Variants in NAP1L4 observed in about 807,000 individuals in gnomAD.
The protein encoded by NAP1L4 is nucleosome assembly protein 1-like 4.
In NAP1L4, 15 loss-of-function variants were observed where a neutral mutation model predicts 58.2. The observed-to-expected ratio is 0.26, with a 90% CI of 0.17 to 0.40. The LOEUF (loss-of-function observed/expected upper bound fraction) is 0.40. NAP1L4 is among the 10% of genes least tolerant of loss of function. The pLI, the probability that NAP1L4 is intolerant of heterozygous loss-of-function variation, is 1.00. For missense variants in NAP1L4, 384 were observed against 451.1 expected (o/e 0.85, Z 1.35); for synonymous variants, 171 against 155.6 (o/e 1.10, Z -0.74).
chr11:2,987,756 C>CAAAAAAAAA (rs57754393), intron 1 of NAP1L4, among the ~76,000 whole-genome samples: 3 of 70,464 alleles, frequency 4.3e-5, no homozygotes, highest in African/African-American at 1.2e-4. Context: ...GACTCCACCT[C>CAAAAAAAAA]AAAAAAAAAA....
At chr11:2,950,050 G>A (rs1464458161) in intron 14 of NAP1L4, among the ~76,000 whole-genome samples, 1 of 152,236 alleles carries the variant, frequency 6.6e-6, no homozygotes, top group Admixed American at 6.5e-5. Context: ...GCAGTGATGG[G>A]CAGCATTTAT....
At chr11:2,978,968 T>TA (rs113365503) in intron 2 of NAP1L4, among the ~76,000 whole-genome samples, 15,892 of 152,216 alleles carry the variant, frequency 0.1, 976 homozygotes, top group African/African-American at 0.16. Context: ...CCAGGGGTGT[T>TA]AAAGCATGGA....
chr11:2,978,579 T>A (rs1003729519), intron 2 of NAP1L4, among the ~76,000 whole-genome samples: 40 of 152,206 alleles, frequency 2.6e-4, no homozygotes, highest in African/African-American at 9.2e-4. Flanking sequence ...ACAAAGTTCT[T>A]ATTTCCAACC....
intron 7 of NAP1L4, among the ~76,000 whole-genome samples, chr11:2,965,732 G>GT (rs911218483): frequency 2.0e-5 from 3 of 152,072 alleles, no homozygotes; most frequent in Non-Finnish European, 4.4e-5. Context: ...GGGTTTCACC[G>GT]TGTTAGCCAG....
At position 2,946,605 on chromosome 11, in the gene NAP1L4, G is replaced by T. The variant is rs759828127; in HGVS notation, c.*33-959C>A. On this transcript the variant is annotated intron_variant, in intron 15 of 15. Coordinates refer to ENST00000380542, the MANE Select transcript of NAP1L4 (RefSeq NM_005969.4). The surrounding 1 kb of genome is among the most constrained non-coding windows in gnomAD (Gnocchi z 4.8). ...AAAAGATCCCTGGGTTACCATAAATGATATCTTCCACAGTATAAGCTGAGG... is the reference window on the plus strand; with the variant it reads ...AAAAGATCCCTGGGTTACCATAAATTATATCTTCCACAGTATAAGCTGAGG... 3.9e-5 allele frequency among the ~76,000 whole-genome samples: 6 copies of T among 152,166 alleles called. No individual in the cohort carries two copies. The highest frequency in any genetic ancestry group is 8.8e-5 in the Non-Finnish European group (6 of 68,030).
rs141770651 is a variant in NAP1L4, at chr11:2,968,202, A to G, written c.534+1601T>C. Among the ~76,000 whole-genome samples the G allele has an allele frequency of 4.8e-3, 727 of 152,318 alleles. 6 individuals are homozygous for G. Among genetic ancestry groups the G allele is most frequent in the African/African-American group, 0.017 (689 of 41,564 alleles). On this transcript the variant is annotated intron_variant, in intron 7 of 15. Coordinates refer to ENST00000380542, the MANE Select transcript of NAP1L4 (RefSeq NM_005969.4). Reference sequence around the variant, plus strand: ...TCTTTCCACCTGCTCCCTGCCATGGAGATTTTCAACTCTCAGGGTGCACAT... The same window carrying G: ...TCTTTCCACCTGCTCCCTGCCATGGGGATTTTCAACTCTCAGGGTGCACAT...
In NAP1L4 at chr11:2,955,678, G is replaced by C. The variant is rs1406102514; in HGVS notation, c.915+66C>G. 3 of 1,494,114 alleles carry C rather than the reference G, an allele frequency of 2.0e-6. No homozygotes were observed. Among genetic ancestry groups the C allele is most frequent in the Non-Finnish European group, 2.8e-6 (3 of 1,082,442 alleles). 92.6% of individuals were successfully genotyped at this position (1,494,114 alleles called of 1,614,324 possible). ...AGGACTGGACTTTTTTTAACAAGTA[G>C]ACAAGTAGACATTCACTCAGGAGAG... On this transcript the variant is annotated intron_variant, in intron 11 of 15. Coordinates refer to ENST00000380542, the MANE Select transcript of NAP1L4 (RefSeq NM_005969.4). This position sits in a 1 kb window ranked among gnomAD's most constrained non-coding sequence, Gnocchi z 4.2.
At chr11:2,958,062 G>A (rs955254369) in intron 10 of NAP1L4, among the ~76,000 whole-genome samples, 3 of 152,186 alleles carry the variant, frequency 2.0e-5, no homozygotes, top group Non-Finnish European at 4.4e-5. Flanking sequence ...GGGTGCTCCA[G>A]GTGTCCAAGT....
chr11:2,974,725 G>C (rs576558934), intron 4 of NAP1L4, among the ~76,000 whole-genome samples: 5 of 152,126 alleles, frequency 3.3e-5, no homozygotes, highest in Non-Finnish European at 7.4e-5. Flanking sequence ...GCAAATCCCT[G>C]TCTCTACTAA....
chr11:2,976,392 G>T (rs1847964185), intron 3 of NAP1L4, among the ~76,000 whole-genome samples: 1 of 152,150 alleles, frequency 6.6e-6, no homozygotes, highest in South Asian at 2.1e-4. Context: ...CAGGACTGTG[G>T]CTGTTTAAGC....
intron 1 of NAP1L4, chr11:2,991,264 T>C: frequency 2.5e-6 from 1 of 407,710 alleles, no homozygotes; most frequent in South Asian, 1.6e-5. Flanking sequence ...CTGTGGACGG[T>C]GGAAAGTCTT....
intron 3 of NAP1L4, among the ~76,000 whole-genome samples, chr11:2,977,346 C>T (rs999074410): frequency 2.6e-5 from 4 of 152,198 alleles, no homozygotes; most frequent in African/African-American, 9.7e-5. Context: ...CGAGCCAACA[C>T]CCTGTGCCTC....
At chr11:2,981,527 T>C (rs1848313024) in intron 1 of NAP1L4, among the ~76,000 whole-genome samples, 1 of 150,570 alleles carries the variant, frequency 6.6e-6, no homozygotes, top group African/African-American at 2.4e-5. Flanking sequence ...TCAGTGAAGA[T>C]TTAAAAACCC....
At chr11:2,985,336 T>C (rs1052417305) in intron 1 of NAP1L4, among the ~76,000 whole-genome samples, 2 of 152,216 alleles carry the variant, frequency 1.3e-5, no homozygotes, top group African/African-American at 4.8e-5. Context: ...TCAATCCCTA[T>C]CACCCTTAAA....
chr11:2,964,164 T>C (rs1357993433), intron 8 of NAP1L4, among the ~76,000 whole-genome samples: 1 of 152,216 alleles, frequency 6.6e-6, no homozygotes. Context: ...TTCAGATTTC[T>C]GAATAAGTGC....
chr11:2,966,649 G>A lies in NAP1L4; in HGVS notation c.535-1898C>T, dbSNP rs544606085. On this transcript the variant is annotated intron_variant, in intron 7 of 15. Transcript: ENST00000380542. ...GTATCTAGACAAAAAGTAACCCAAA[G>A]GCAGTTGTGAAATGGGCCACACCTG... Among the ~76,000 whole-genome samples the A allele has an allele frequency of 3.2e-3, 490 of 152,214 alleles. 2 individuals carry two copies. The highest frequency in any genetic ancestry group is 0.011 in the African/African-American group (465 of 41,528).
chr11:2,984,915 A>C (rs1590274827), intron 1 of NAP1L4, among the ~76,000 whole-genome samples: 1 of 152,226 alleles, frequency 6.6e-6, no homozygotes, highest in East Asian at 1.9e-4. Context: ...ATACAGGTTG[A>C]GTATCTCTTA....
At chr11:2,983,728 C>T (rs1293221391) in intron 1 of NAP1L4, 1 of 152,150 alleles carries the variant, frequency 6.6e-6, no homozygotes, top group South Asian at 2.1e-4. Flanking sequence ...CACTGAACAG[C>T]CTGGTTTCAA....
chr11:2,962,488 GTTTCA>G (rs1467392300), intron 8 of NAP1L4, among the ~76,000 whole-genome samples: 2 of 152,176 alleles, frequency 1.3e-5, no homozygotes, highest in Non-Finnish European at 2.9e-5. Context: ...TCATTTTGAA[GTTTCA>G]TTTATCTTTA....
Sources: allele counts gnomAD v4.1 joint callset (sites outside exome capture counted in the v4.1 genomes callset), GRCh38; gene constraint gnomAD v4.1.1; non-coding constraint Gnocchi (gnomAD v3.1); transcripts MANE v1.5; gene names NCBI Gene and HGNC (gene_info 2026-07-23, HGNC 2026-07-21).